The following INPP4B variants were observed in gnomAD, a reference collection of about 807,000 sequenced individuals.
The protein encoded by INPP4B is inositol polyphosphate 4-phosphatase type II.
A neutral mutation model predicts 122.5 loss-of-function variants in INPP4B; 55 were observed. The ratio of observed to expected loss-of-function variants is 0.45; its 90% CI spans 0.36 to 0.56. The LOEUF is 0.56. Among genes scored for constraint, INPP4B ranks in the 20% least tolerant of loss-of-function variants. The pLI is 0.00. For missense variants in INPP4B, 1,000 were observed against 1,097.7 expected, an observed-to-expected ratio of 0.91 and a Z score of 1.26; for synonymous variants, 403 against 388.7, an observed-to-expected ratio of 1.04 and a Z score of -0.43.
intron 3 of INPP4B, among the ~76,000 whole-genome samples, chr4:142,435,782 G>A (rs1373853113): frequency 3.3e-5 from 5 of 152,280 alleles, no homozygotes; most frequent in East Asian, 1.9e-4. Flanking sequence ...CCCATAGATC[G>A]GAAGTTCCCA....
intron 2 of INPP4B, among the ~76,000 whole-genome samples, chr4:142,526,724 G>C (rs1560759100): frequency 6.6e-6 from 1 of 152,002 alleles, no homozygotes; most frequent in Admixed American, 6.6e-5. Flanking sequence ...ATATGAGATA[G>C]TTCTTTAGTG....
At chr4:142,537,518 A>G (rs1270853200) in intron 2 of INPP4B, among the ~76,000 whole-genome samples, 1 of 150,120 alleles carries the variant, frequency 6.7e-6, no homozygotes, top group Non-Finnish European at 1.5e-5. Flanking sequence ...AGTCCTCACA[A>G]CACACACAAT....
At chr4:142,145,689 TC>T in intron 18 of INPP4B, 150 bp downstream of exon 18, 3 of 663,588 alleles carry the variant, frequency 4.5e-6, no homozygotes, top group Non-Finnish European at 7.5e-6. Context: ...TAAATAGCCT[TC>T]CATCATCCAA....
chr4:142,693,658 A>C (rs2150732889), intron 2 of INPP4B, among the ~76,000 whole-genome samples: 1 of 152,158 alleles, frequency 6.6e-6, no homozygotes, highest in South Asian at 2.1e-4. Flanking sequence ...CACCTTCTTA[A>C]CTAAAATTTA....
At chr4:142,669,704 T>G (rs1228988303) in intron 2 of INPP4B, among the ~76,000 whole-genome samples, 1 of 152,166 alleles carries the variant, frequency 6.6e-6, no homozygotes, top group Admixed American at 6.5e-5. Flanking sequence ...ATTATAAAAC[T>G]ACTTGAAGAA....
At chr4:142,225,734 A>G (rs1851262111) in intron 12 of INPP4B, among the ~76,000 whole-genome samples, 1 of 152,100 alleles carries the variant, frequency 6.6e-6, no homozygotes, top group African/African-American at 2.4e-5. Context: ...AAGAGAAAAA[A>G]AATATGACAT....
rs1047449295 is a variant in INPP4B, at chr4:142,358,963, C to T, written c.372+43975G>A. ...AATGTGGCAAGTCATCTTGCTGTTT[C>T]GGATACTTTCCGTGTTTTAGAGGGC... On this transcript the variant is annotated intron_variant, in intron 7 of 25. Coordinates refer to ENST00000262992, the MANE Select transcript of INPP4B (RefSeq NM_001101669.3). Among the ~76,000 whole-genome samples the T allele has an allele frequency of 2.6e-5, 4 of 151,920 alleles. No individual in the cohort carries two copies. The East Asian group carries it at 5.8e-4, about 22-fold the overall frequency.
chr4:142,067,063 G>A (rs1478848055), intron 25 of INPP4B, among the ~76,000 whole-genome samples: 1 of 152,220 alleles, frequency 6.6e-6, no homozygotes, highest in African/African-American at 2.4e-5. Context: ...CTAACTGGGA[G>A]ACACCTCCCA....
intron 9 of INPP4B, among the ~76,000 whole-genome samples, chr4:142,303,998 T>C: frequency 6.6e-6 from 1 of 152,116 alleles, no homozygotes; most frequent in East Asian, 1.9e-4. Flanking sequence ...TGCACTAGTG[T>C]GTAGTATGCT....
intron 2 of INPP4B, among the ~76,000 whole-genome samples, chr4:142,625,573 A>T (rs1746162518): frequency 6.6e-6 from 1 of 152,108 alleles, no homozygotes; most frequent in Non-Finnish European, 1.5e-5. Flanking sequence ...TAATTTATAG[A>T]TTCAATGCCA....
At chr4:142,781,309 G>A (rs1057250640) in intron 1 of INPP4B, among the ~76,000 whole-genome samples, 2 of 152,182 alleles carry the variant, frequency 1.3e-5, no homozygotes, top group African/African-American at 2.4e-5. Context: ...CTGCTGATGA[G>A]TCATCTTTCA....
At chr4:142,121,692 T>C (rs1796612014) in intron 21 of INPP4B, among the ~76,000 whole-genome samples, 1 of 152,164 alleles carries the variant, frequency 6.6e-6, no homozygotes, top group Admixed American at 6.6e-5. Flanking sequence ...AATGGTGGTA[T>C]ATTCCCCTGA....
chr4:142,424,824 T>C (rs987401197), intron 5 of INPP4B, among the ~76,000 whole-genome samples: 1 of 152,024 alleles, frequency 6.6e-6, no homozygotes, highest in Non-Finnish European at 1.5e-5. Flanking sequence ...GGGTTAAATA[T>C]GTCTAAAAAT....
chr4:142,372,793 G>C (rs947797009), intron 7 of INPP4B, among the ~76,000 whole-genome samples: 1 of 151,962 alleles, frequency 6.6e-6, no homozygotes, highest in Non-Finnish European at 1.5e-5. Flanking sequence ...CTCCTCTCTA[G>C]GAAGGAGTAA....
intron 2 of INPP4B, among the ~76,000 whole-genome samples, chr4:142,667,695 T>C (rs1454792735): frequency 1.3e-5 from 2 of 152,152 alleles, no homozygotes; most frequent in African/African-American, 4.8e-5. Context: ...CATTGGAGGA[T>C]AGCGAAGACT....
intron 6 of INPP4B, among the ~76,000 whole-genome samples, chr4:142,403,489 A>G (rs970978730): frequency 5.3e-5 from 8 of 152,168 alleles, no homozygotes; most frequent in Non-Finnish European, 1.0e-4. Context: ...TAATGATTCA[A>G]TTGAAAATCA....
chr4:142,668,386 G>A (rs925512518), intron 2 of INPP4B, among the ~76,000 whole-genome samples: 1 of 149,612 alleles, frequency 6.7e-6, no homozygotes, highest in African/African-American at 2.5e-5. Context: ...CAAAACTCCA[G>A]GTAACATCAT....
At chr4:142,843,065 T>C (rs922549337) in intron 1 of INPP4B, among the ~76,000 whole-genome samples, 6 of 150,486 alleles carry the variant, frequency 4.0e-5, no homozygotes, top group Non-Finnish European at 7.4e-5. Context: ...CACAGTTTGA[T>C]TCAAGTGACC....
At chr4:142,551,759 T>C (rs1462445078) in intron 2 of INPP4B, among the ~76,000 whole-genome samples, 1 of 152,186 alleles carries the variant, frequency 6.6e-6, no homozygotes, top group Non-Finnish European at 1.5e-5. Flanking sequence ...GAGTGACATA[T>C]GGCCAACAGA....
Sources: allele counts gnomAD v4.1 joint callset (sites outside exome capture counted in the v4.1 genomes callset), GRCh38; gene constraint gnomAD v4.1.1; transcripts MANE v1.5; gene names NCBI Gene and HGNC (gene_info 2026-07-23, HGNC 2026-07-21).